Variants in FAM53B observed in about 807,000 individuals in gnomAD.
FAM53B encodes family with sequence similarity 53 member B.
In FAM53B, 12 loss-of-function variants were observed where a neutral mutation model predicts 32.7. That is an observed-to-expected ratio of 0.37 (90% CI 0.24 to 0.59). The LOEUF is 0.59. Among genes scored for constraint, FAM53B ranks in the 20% least tolerant of loss-of-function variants. The pLI is 0.72. For missense variants in FAM53B, 477 were observed against 577.7 expected, an observed-to-expected ratio of 0.83 and a Z score of 1.79; for synonymous variants, 234 against 228.7, an observed-to-expected ratio of 1.02 and a Z score of -0.21.
In FAM53B at chr10:124,674,967, T is replaced by C. The variant is rs373785074; in HGVS notation, c.906+6640A>G. Among the ~76,000 whole-genome samples, 11 of 152,334 alleles carry C rather than the reference T, an allele frequency of 7.2e-5. No homozygotes were observed. In the South Asian group the frequency reaches 1.0e-3, roughly 14 times the overall value. On this transcript the variant is annotated intron_variant, in intron 4 of 4. Coordinates refer to ENST00000337318, the MANE Select transcript of FAM53B (RefSeq NM_014661.4). ...AGAGCCGGGGCCTCCCAGAGTCTCA[T>C]AGCTTCTCAAACATTCTCTGCTCAG...
Position 124,620,117 on chromosome 10 carries a change from A to G in FAM53B, c.*3125T>C, listed in dbSNP as rs1949297175. On this transcript the variant is annotated 3_prime_UTR_variant, in exon 5 of 5. Coordinates refer to ENST00000337318, the MANE Select transcript of FAM53B (RefSeq NM_014661.4). Reference sequence around the variant, plus strand: ...CAAATTCACAAAACTGGCTACAAAAATTTGGTTGAAAAGTAAGGCTTTCTG... The same window carrying G: ...CAAATTCACAAAACTGGCTACAAAAGTTTGGTTGAAAAGTAAGGCTTTCTG... The G allele has an allele frequency of 6.5e-6, 1 of 152,706 alleles. No homozygotes were observed. Among genetic ancestry groups the G allele is most frequent in the Non-Finnish European group, 1.5e-5 (1 of 68,028 alleles). The allele number at this position is 152,706 out of a possible 1,614,324, so 9.5% of individuals were successfully genotyped here.
At chr10:124,732,818 A>G (rs1950152754) in intron 1 of FAM53B, among the ~76,000 whole-genome samples, 1 of 151,560 alleles carries the variant, frequency 6.6e-6, no homozygotes, top group Admixed American at 6.6e-5. Flanking sequence ...TGACAGAGTG[A>G]GACTCCATCA....
intron 4 of FAM53B, among the ~76,000 whole-genome samples, chr10:124,648,491 T>C (rs897306): frequency 0.54 from 82,024 of 152,120 alleles, 22,912 homozygotes; most frequent in Non-Finnish European, 0.62. Flanking sequence ...GCCTCCCCCA[T>C]CTGTAAAATG....
Position 124,726,521 on chromosome 10 carries a change from T to C in FAM53B, c.-175+17492A>G, listed in dbSNP as rs1320546809. Among the ~76,000 whole-genome samples, 11 of 152,296 alleles carry C rather than the reference T, an allele frequency of 7.2e-5. No homozygotes were observed. In the East Asian group the frequency reaches 1.5e-3, roughly 21 times the overall value. Reference sequence around the variant, plus strand: ...ATGTTTCTGCTGCAAAGGAAAGGCATGGGAAGGGCTTTCAGGCAATGGATT... The same window carrying C: ...ATGTTTCTGCTGCAAAGGAAAGGCACGGGAAGGGCTTTCAGGCAATGGATT... On this transcript the variant is annotated intron_variant, in intron 1 of 4. Coordinates refer to ENST00000337318, the MANE Select transcript of FAM53B (RefSeq NM_014661.4).
In FAM53B at chr10:124,631,245, G is replaced by A. The variant is rs796900791; in HGVS notation, c.907-7641C>T. 1.1e-3 allele frequency among the ~76,000 whole-genome samples: 168 copies of A among 152,282 alleles called. 1 individual carries two copies. Among genetic ancestry groups the A allele is most frequent in the Middle Eastern group, 6.8e-3 (2 of 294 alleles). ...AGTGTAGCCTTGCCTACGGTAACTC[G>A]AGGCCTAGGACCCAGCTGGGGACAA... On this transcript the variant is annotated intron_variant, in intron 4 of 4. Coordinates refer to ENST00000337318, the MANE Select transcript of FAM53B (RefSeq NM_014661.4).
At chr10:124,658,762 G>T (rs535648960) in intron 4 of FAM53B, among the ~76,000 whole-genome samples, 1 of 152,322 alleles carries the variant, frequency 6.6e-6, no homozygotes, top group South Asian at 2.1e-4. Context: ...AAGGGCCACA[G>T]CCTGGGGATG....
intron 1 of FAM53B, among the ~76,000 whole-genome samples, chr10:124,732,829 C>CA (rs201097598): frequency 0.011 from 1,374 of 122,554 alleles, 10 homozygotes; most frequent in Middle Eastern, 0.017. Flanking sequence ...GACTCCATCA[C>CA]AAAAAAAAAA....
intron 2 of FAM53B, among the ~76,000 whole-genome samples, chr10:124,698,869 G>A (rs112472153): frequency 2.0e-5 from 3 of 152,150 alleles, no homozygotes; most frequent in East Asian, 1.9e-4. Flanking sequence ...ATCAAATCCC[G>A]GCCACTACCT....
In FAM53B at chr10:124,677,758, G is replaced by T. The variant is rs9887978; in HGVS notation, c.906+3849C>A. 2.4e-3 allele frequency among the ~76,000 whole-genome samples: 364 copies of T among 152,300 alleles called. 3 individuals are homozygous for T. The highest frequency in any genetic ancestry group is 8.5e-3 in the African/African-American group (352 of 41,558). On this transcript the variant is annotated intron_variant, in intron 4 of 4. Coordinates refer to ENST00000337318, the MANE Select transcript of FAM53B (RefSeq NM_014661.4). ...TGTGTGTCTCATCCCCGACAGACAAGAGCCCCCACTGCCATTAACTGGACA... is the reference window on the plus strand; with the variant it reads ...TGTGTGTCTCATCCCCGACAGACAATAGCCCCCACTGCCATTAACTGGACA...
At chr10:124,683,162 T>C (rs2134069342) in intron 3 of FAM53B, among the ~76,000 whole-genome samples, 1 of 152,332 alleles carries the variant, frequency 6.6e-6, no homozygotes, top group South Asian at 2.1e-4. Context: ...CACAAATAAA[T>C]AACCAACCCT....
chr10:124,640,612 G>C (rs1054467483), intron 4 of FAM53B, among the ~76,000 whole-genome samples: 1 of 152,206 alleles, frequency 6.6e-6, no homozygotes, highest in African/African-American at 2.4e-5. Flanking sequence ...AGCAGCTGCA[G>C]AGCCTCGAAT....
rs112593329 is a variant in FAM53B at position 124,693,367 on chromosome 10, G to C, written c.133+2791C>G. On this transcript the variant is annotated intron_variant, in intron 3 of 4. Coordinates refer to ENST00000337318, the MANE Select transcript of FAM53B (RefSeq NM_014661.4). The stretch of plus-strand genomic sequence containing the variant: ...CGCTTGTAATCCCAGCTACTTAGGA[G>C]GCTGAGGCAGGAGAACTGCTTGAAC... Among the ~76,000 whole-genome samples, 801 of 152,180 alleles carry C rather than the reference G, an allele frequency of 5.3e-3. 7 individuals carry two copies. Among genetic ancestry groups the C allele is most frequent in the African/African-American group, 0.019 (769 of 41,500 alleles).
At chr10:124,739,070 A>AC (rs1246649449) in intron 1 of FAM53B, among the ~76,000 whole-genome samples, 7 of 152,304 alleles carry the variant, frequency 4.6e-5, no homozygotes, top group Admixed American at 1.3e-4. Context: ...AAAACAAAAA[A>AC]ACACACAGCC....
At chr10:124,689,213 C>T (rs190870863) in intron 3 of FAM53B, among the ~76,000 whole-genome samples, 3 of 152,110 alleles carry the variant, frequency 2.0e-5, no homozygotes, top group East Asian at 1.9e-4. Flanking sequence ...TCAAGAGAGC[C>T]GAGGTGTCTT....
intron 2 of FAM53B, among the ~76,000 whole-genome samples, chr10:124,699,942 C>T (rs906419177): frequency 6.6e-6 from 1 of 152,370 alleles, no homozygotes; most frequent in Admixed American, 6.5e-5. Flanking sequence ...TCGCCCTGTG[C>T]TTCAGGGAGT....
intron 4 of FAM53B, among the ~76,000 whole-genome samples, chr10:124,657,167 T>TAC (rs1564869771): frequency 2.6e-3 from 71 of 26,824 alleles, no homozygotes; most frequent in East Asian, 0.021. Context: ...TGTGTGTATA[T>TAC]ATATATGTAC....
At chr10:124,706,024 A>T (rs1949955359) in intron 2 of FAM53B, among the ~76,000 whole-genome samples, 1 of 152,208 alleles carries the variant, frequency 6.6e-6, no homozygotes, top group South Asian at 2.1e-4. Context: ...ACATCTGAGG[A>T]ACTGGGCTTG....
Position 124,687,354 on chromosome 10 carries a change from T to C in FAM53B, c.134-4975A>G, listed in dbSNP as rs77802542. Among the ~76,000 whole-genome samples, 221 of 152,048 alleles carry C rather than the reference T, an allele frequency of 1.5e-3. 2 individuals are homozygous for C. Among genetic ancestry groups the C allele is most frequent in the African/African-American group, 5.2e-3 (215 of 41,452 alleles). ...TCTTTCAAGTCACAATTGTCATGGA[T>C]GTAGGAGTCTACTGAGCAACAGTCA... On this transcript the variant is annotated intron_variant, in intron 3 of 4. Coordinates refer to ENST00000337318, the MANE Select transcript of FAM53B (RefSeq NM_014661.4).
At chr10:124,623,997 C>A in intron 4 of FAM53B, 1 of 187,958 alleles carries the variant, frequency 5.3e-6, no homozygotes, top group Non-Finnish European at 1.1e-5. Context: ...GGATTTTTAT[C>A]TTAAGAAAAC....
Sources: allele counts gnomAD v4.1 joint callset (sites outside exome capture counted in the v4.1 genomes callset), GRCh38; gene constraint gnomAD v4.1.1; transcripts MANE v1.5; gene names NCBI Gene and HGNC (gene_info 2026-07-23, HGNC 2026-07-21).